KCND2: variants seen among roughly 807,000 people sequenced by gnomAD.
The protein encoded by KCND2 is A-type voltage-gated potassium channel KCND2.
In KCND2, 16 loss-of-function variants were observed where a neutral mutation model predicts 54.4. The observed-to-expected ratio is 0.29, with a 90% CI of 0.20 to 0.45. The LOEUF is 0.45. Among genes scored for constraint, KCND2 ranks in the 20% least tolerant of loss-of-function variants. KCND2 has a pLI of 1.00. For missense variants in KCND2, 486 were observed against 824.2 expected, an observed-to-expected ratio of 0.59 and a Z score of 5.02; for synonymous variants, 317 against 310.7, an observed-to-expected ratio of 1.02 and a Z score of -0.21.
intron 1 of KCND2, among the ~76,000 whole-genome samples, chr7:120,723,425 G>A (rs141577901): frequency 1.4e-3 from 207 of 152,292 alleles, no homozygotes; most frequent in African/African-American, 4.7e-3. Context: ...TCCAAGAGAA[G>A]AATAGATGGT....
At chr7:120,447,738 C>T (rs1472419944) in intron 1 of KCND2, among the ~76,000 whole-genome samples, 1 of 152,090 alleles carries the variant, frequency 6.6e-6, no homozygotes, top group Non-Finnish European at 1.5e-5. Flanking sequence ...TTCTTGTAAA[C>T]ATAATTAGTA....
chr7:120,410,676 C>T (rs1035430964), intron 1 of KCND2, among the ~76,000 whole-genome samples: 2 of 150,616 alleles, frequency 1.3e-5, no homozygotes, highest in Non-Finnish European at 3.0e-5. Flanking sequence ...AGGTATATCT[C>T]CTAATGCTCT....
chr7:120,694,165 T>G (rs1285480197), intron 1 of KCND2, among the ~76,000 whole-genome samples: 1 of 152,218 alleles, frequency 6.6e-6, no homozygotes, highest in Non-Finnish European at 1.5e-5. Context: ...CCTATTTGTG[T>G]GTAGGGTCTC....
At position 120,326,194 on chromosome 7, in the gene KCND2, C is replaced by T. The variant is rs912398407; in HGVS notation, c.1115+50447C>T. Among the ~76,000 whole-genome samples, 30 of 151,938 alleles carry T rather than the reference C, an allele frequency of 2.0e-4. 1 individual carries two copies. The highest frequency in any genetic ancestry group is 5.9e-5 in the Non-Finnish European group (4 of 67,956). On this transcript the variant is annotated intron_variant, in intron 1 of 5. Transcript: ENST00000331113. ...GCACTTGATTGGGGAGGACTAATGA[C>T]GAATGTACCTATGCAGATGTTGCCT...
At chr7:120,341,364 C>A (rs1294735567) in intron 1 of KCND2, among the ~76,000 whole-genome samples, 1 of 152,142 alleles carries the variant, frequency 6.6e-6, no homozygotes, top group Non-Finnish European at 1.5e-5. Context: ...CTGTGTGTTT[C>A]TCTGTGCATC....
intron 1 of KCND2, among the ~76,000 whole-genome samples, chr7:120,333,751 CTT>C (rs1800103503): frequency 1.3e-5 from 2 of 152,040 alleles, no homozygotes. Context: ...CATAGCAACA[CTT>C]TGGTTCTGGG....
chr7:120,312,314 T>G (rs1293799430), intron 1 of KCND2, among the ~76,000 whole-genome samples: 1 of 152,152 alleles, frequency 6.6e-6, no homozygotes, highest in Non-Finnish European at 1.5e-5. Context: ...TGATTTTATG[T>G]CTTTATTATT....
At chr7:120,476,296 A>G (rs905067030) in intron 1 of KCND2, among the ~76,000 whole-genome samples, 3 of 152,218 alleles carry the variant, frequency 2.0e-5, no homozygotes, top group Non-Finnish European at 4.4e-5. Context: ...TAAAACACAT[A>G]AACCAACTTA....
At chr7:120,324,934 A>G (rs929732583) in intron 1 of KCND2, among the ~76,000 whole-genome samples, 5 of 129,220 alleles carry the variant, frequency 3.9e-5, no homozygotes, top group East Asian at 5.2e-4. Flanking sequence ...ACCCATGAGC[A>G]TGGAATGTTC....
intron 1 of KCND2, among the ~76,000 whole-genome samples, chr7:120,394,701 C>A (rs578039666): frequency 1.3e-5 from 2 of 152,042 alleles, no homozygotes; most frequent in Admixed American, 1.3e-4. Context: ...GCTAGCCCTA[C>A]ACCCAGGAAT....
intron 2 of KCND2, among the ~76,000 whole-genome samples, chr7:120,736,208 A>G (rs1792868423): frequency 1.3e-5 from 2 of 152,092 alleles, no homozygotes; most frequent in African/African-American, 4.8e-5. Flanking sequence ...AATTCCTATC[A>G]TCACTATCAG....
At chr7:120,541,370 A>G (rs1008042065) in intron 1 of KCND2, among the ~76,000 whole-genome samples, 4 of 151,678 alleles carry the variant, frequency 2.6e-5, no homozygotes, top group Non-Finnish European at 4.4e-5. Context: ...CTGATTGACT[A>G]TATTTATTAA....
At chr7:120,658,714 C>A (rs1184863749) in intron 1 of KCND2, among the ~76,000 whole-genome samples, 1 of 152,162 alleles carries the variant, frequency 6.6e-6, no homozygotes, top group Non-Finnish European at 1.5e-5. Flanking sequence ...CAGCAACTAG[C>A]CCCAACATGC....
rs140238600 is a variant in KCND2 at position 120,453,097 on chromosome 7, C to T, written c.1115+177350C>T. On this transcript the variant is annotated intron_variant, in intron 1 of 5. Transcript: ENST00000331113. Reference sequence around the variant, plus strand: ...TGTGTGCCAGTCCACCTGATCATCTCTCTATTGCAGCCTGCACCATGCCAC... The same window carrying T: ...TGTGTGCCAGTCCACCTGATCATCTTTCTATTGCAGCCTGCACCATGCCAC... Among the ~76,000 whole-genome samples the T allele has an allele frequency of 3.3e-5, 5 of 152,292 alleles. 1 individual carries two copies. The highest frequency in any genetic ancestry group is 2.0e-4 in the Admixed American group (3 of 15,296).
At position 120,274,059 on chromosome 7, in the gene KCND2, A is replaced by T. The variant is rs1799131610; in HGVS notation, c.-574A>T. ...GCAGCAGCTGGACCCCCAAAGAGAG[A>T]CGTGGGGCAGCGGCTGTGACCGCAT... On this transcript the variant is annotated 5_prime_UTR_variant, in exon 1 of 6. Transcript: ENST00000331113. The T allele has an allele frequency of 6.3e-6, 1 of 158,336 alleles. No homozygotes were observed. Among genetic ancestry groups the T allele is most frequent in the African/African-American group, 2.4e-5 (1 of 41,420 alleles). The allele number at this position is 158,336 out of a possible 1,614,324, so 9.8% of individuals were successfully genotyped here. A position where few individuals can be genotyped will look rare whatever the true frequency, so the allele number is the denominator to read the frequency against.
intron 1 of KCND2, among the ~76,000 whole-genome samples, chr7:120,402,501 T>G (rs1801278672): frequency 6.6e-6 from 1 of 152,192 alleles, no homozygotes; most frequent in Admixed American, 6.6e-5. Context: ...TGAAAGATAT[T>G]GAAGGAGGCA....
intron 1 of KCND2, among the ~76,000 whole-genome samples, chr7:120,669,717 A>C (rs1791968300): frequency 6.6e-6 from 1 of 152,154 alleles, no homozygotes; most frequent in South Asian, 2.1e-4. Context: ...ATGAATTGTG[A>C]AGTCTGCGCC....
At chr7:120,516,354 A>G (rs541782408) in intron 1 of KCND2, among the ~76,000 whole-genome samples, 3 of 152,258 alleles carry the variant, frequency 2.0e-5, no homozygotes, top group South Asian at 2.1e-4. Context: ...ATCTGTCCAT[A>G]TAATTACATG....
intron 1 of KCND2, among the ~76,000 whole-genome samples, chr7:120,515,625 C>CA (rs1186527057): frequency 1.3e-5 from 2 of 152,046 alleles, no homozygotes; most frequent in Admixed American, 6.6e-5. Flanking sequence ...CTCAGGAACT[C>CA]AGAGACTCCT....
Sources: gnomAD v4.1 joint callset for allele counts (sites outside exome capture counted in the v4.1 genomes callset) on GRCh38, gnomAD v4.1.1 for gene constraint, MANE v1.5 for transcripts, NCBI Gene and HGNC (gene_info 2026-07-23, HGNC 2026-07-21) for gene names.